HERC1: variants seen among roughly 807,000 people sequenced by gnomAD.
HERC1 encodes the protein HECT and RLD domain containing E3 ubiquitin protein ligase family member 1.
A neutral mutation model predicts 554.3 loss-of-function variants in HERC1; 160 were observed. The observed-to-expected ratio is 0.29, with a 90% CI of 0.25 to 0.33. HERC1 has a LOEUF of 0.33. Among genes scored for constraint, HERC1 ranks in the 10% least tolerant of loss-of-function variants. HERC1 has a pLI of 1.00. For synonymous variants in HERC1, 2,175 were observed against 2,131.7 expected (o/e 1.02, Z -0.56); for missense variants, 4,919 against 5,918.5 (o/e 0.83, Z 5.54).
chr15:63,718,577 T>C lies in HERC1; in HGVS notation c.3975A>G (p.Arg1325=). ...ATTAATTGATTTCAAACTTTACCCA[T>C]CTGTCCCGTGATGATGACCTTGTTT... The part of the protein sequence containing the change: ...LIQTRSSSRD[R]WISENQDSAD... Residue 1325 remains arginine, a synonymous_variant, in exon 21 of 78, where the codon AGA becomes AGG. Coordinates refer to ENST00000443617, the MANE Select transcript of HERC1 (RefSeq NM_003922.4). The surrounding 1 kb of genome is among the most constrained non-coding windows in gnomAD (Gnocchi z 4.2). 1 of 1,569,026 alleles carries C rather than the reference T, an allele frequency of 6.4e-7. No individual in the cohort carries two copies. The highest frequency in any genetic ancestry group is 8.7e-7 in the Non-Finnish European group (1 of 1,154,226).
chr15:63,728,155 T>A (rs2074113695), intron 16 of HERC1, among the ~76,000 whole-genome samples: 1 of 152,214 alleles, frequency 6.6e-6, no homozygotes. Flanking sequence ...AAGAAATATT[T>A]ATTTACTCAA....
chr15:63,674,320 A>G (rs756351606), intron 38 of HERC1, 22 bp downstream of exon 38: 1 of 1,551,442 alleles, frequency 6.4e-7, no homozygotes, highest in Non-Finnish European at 8.7e-7. Flanking sequence ...AAAGCAAAAA[A>G]AAAAAAAATC....
chr15:63,635,891 A>AT (rs1225199256), intron 65 of HERC1, 70 bp downstream of exon 65: 6 of 1,484,374 alleles, frequency 4.0e-6, no homozygotes, highest in Non-Finnish European at 5.5e-6. Flanking sequence ...CTGTTACCTA[A>AT]TTTTAAGAAA....
At chr15:63,831,496 T>C (rs2078153391) in intron 1 of HERC1, among the ~76,000 whole-genome samples, 1 of 152,232 alleles carries the variant, frequency 6.6e-6, no homozygotes, top group Admixed American at 6.5e-5. Flanking sequence ...AACTATAACA[T>C]TCAAGTTTTG....
Position 63,692,526 on chromosome 15 carries a change from C to T in HERC1, c.5715G>A (p.Gly1905=). The change falls in exon 31 of 78, where the codon GGG becomes GGA. Residue 1905 remains glycine (G), a synonymous_variant. Coordinates refer to ENST00000443617, the MANE Select transcript of HERC1 (RefSeq NM_003922.4). This position sits in a 1 kb window ranked among gnomAD's most constrained non-coding sequence, Gnocchi z 4.7. ...CTCTGCGAAGAAAAACTAAAAAATC[C>T]CCTAGATGGAGTTCGGCTGCATGTT... The part of the protein sequence containing the change: ...RKQHAAELHL[G]DFLVFLRRVV... 2 of 1,611,790 alleles carry T rather than the reference C, an allele frequency of 1.2e-6. No homozygotes were observed. The highest frequency in any genetic ancestry group is 4.5e-5 in the East Asian group (2 of 44,768).
chr15:63,717,443 A>G (rs1395441292), intron 21 of HERC1, among the ~76,000 whole-genome samples: 1 of 152,232 alleles, frequency 6.6e-6, no homozygotes, highest in East Asian at 1.9e-4. Context: ...CACTACAAAG[A>G]TAATGTTTTA....
chr15:63,640,192 T>C lies in HERC1; in HGVS notation c.11861A>G (p.Asp3954Gly). 6.2e-7 allele frequency: 1 copy of C among 1,613,918 alleles called. No homozygotes were observed. Among genetic ancestry groups the C allele is most frequent in the Non-Finnish European group, 8.5e-7 (1 of 1,179,832 alleles). ...TTCATCCTCTGGAACAGGTTCTAGA[T>C]CTGGAACGGTAAAAGATTCTGGAAA... ...AQFPESFTVP[D>G]LEPVPEDELV... Residue 3954 changes from aspartate (D) to glycine (G), a missense_variant, in exon 61 of 78, where the codon GAT becomes GGT. Transcript: ENST00000443617.
intron 39 of HERC1, among the ~76,000 whole-genome samples, chr15:63,671,230 G>C (rs868544932): frequency 2.0e-5 from 3 of 150,462 alleles, no homozygotes; most frequent in Non-Finnish European, 3.0e-5. Context: ...AAATTAGCTG[G>C]GTGTGGTGGT....
intron 1 of HERC1, among the ~76,000 whole-genome samples, chr15:63,786,273 T>C (rs897933890): frequency 3.9e-5 from 5 of 127,334 alleles, no homozygotes; most frequent in Non-Finnish European, 6.8e-5. Context: ...ATCATGTTTC[T>C]ATTAAAAAAA....
chr15:63,716,049 G>A lies in HERC1; in HGVS notation c.4150+253C>T, dbSNP rs757201379. Among the ~76,000 whole-genome samples the A allele has an allele frequency of 3.9e-5, 6 of 152,202 alleles. No homozygotes were observed. The South Asian group carries it at 1.2e-3, about 32-fold the overall frequency. ...ACTCATGAGTTTCATTTCATGATGA[G>A]GCTCAGTGAAGCAGGTACTGACATT... On this transcript the variant is annotated intron_variant, in intron 22 of 77. Transcript: ENST00000443617.
intron 1 of HERC1, among the ~76,000 whole-genome samples, chr15:63,819,344 G>C (rs367757143): frequency 3.9e-5 from 6 of 152,284 alleles, no homozygotes; most frequent in African/African-American, 1.4e-4. Context: ...CTGTCTCACA[G>C]AGGTGTTATT....
chr15:63,693,753 A>C (rs947133985), intron 30 of HERC1, among the ~76,000 whole-genome samples: 9 of 152,206 alleles, frequency 5.9e-5, no homozygotes, highest in Admixed American at 1.3e-4. Context: ...GTATGGTCAC[A>C]ACATGAGGGT....
chr15:63,633,825 C>T (rs1366959985), intron 67 of HERC1, 23 bp downstream of exon 67: 1 of 1,608,368 alleles, frequency 6.2e-7, no homozygotes, highest in South Asian at 1.1e-5. Context: ...TGTCTGAAAA[C>T]CTAGACTCAA....
At chr15:63,795,957 G>A (rs2076801245) in intron 1 of HERC1, among the ~76,000 whole-genome samples, 1 of 152,200 alleles carries the variant, frequency 6.6e-6, no homozygotes, top group African/African-American at 2.4e-5. Context: ...AACAGGCTAC[G>A]ACCTAATGCT....
chr15:63,672,715 TAAGA>T (rs756836272), intron 38 of HERC1, 21 bp from the exon 39 acceptor site: 2 of 1,535,306 alleles, frequency 1.3e-6, no homozygotes, highest in Non-Finnish European at 8.8e-7. Context: ...AAAAAAAGGT[TAAGA>T]AAGTAGTAAG....
Position 63,689,585 on chromosome 15 carries a change from T to A in HERC1, c.6048+4A>T. 6.7e-7 allele frequency: 1 copy of A among 1,494,874 alleles called. No individual in the cohort carries two copies. Among genetic ancestry groups the A allele is most frequent in the Non-Finnish European group, 9.1e-7 (1 of 1,101,538 alleles). 92.6% of individuals were successfully genotyped at this position (1,494,874 alleles called of 1,614,324 possible). A position where few individuals can be genotyped will look rare whatever the true frequency, so the allele number is the denominator to read the frequency against. On this transcript the variant is annotated splice_donor_region_variant and intron_variant, in intron 33 of 77. Transcript: ENST00000443617. ...AGAAATACCTTTTAGGAAAAACCAA[T>A]TACCTGTAGTTTTATTTCTTGTTCT...
At chr15:63,746,779 T>C (rs2075070381) in intron 12 of HERC1, 139 bp downstream of exon 12, 1 of 742,280 alleles carries the variant, frequency 1.3e-6, no homozygotes, top group Non-Finnish European at 2.1e-6. Flanking sequence ...TAACCAAAAA[T>C]ACTCTCACCA....
At chr15:63,720,103 C>CTTTTTTTTTTTTATTTTTTTTT (rs2073749075) in intron 19 of HERC1, among the ~76,000 whole-genome samples, 1 of 71,608 alleles carries the variant, frequency 1.4e-5, no homozygotes, top group African/African-American at 6.0e-5. Context: ...TTTTTCTTCC[C>CTTTTTTTTTTTTATTTTTTTTT]TTTTTTTTTT....
chr15:63,685,561 T>C (rs916583111), intron 34 of HERC1, among the ~76,000 whole-genome samples: 4 of 152,250 alleles, frequency 2.6e-5, no homozygotes, highest in Non-Finnish European at 5.9e-5. Flanking sequence ...TGAAGTCACA[T>C]GGCTTTTTAA....
Sources: gnomAD v4.1 joint callset for allele counts (sites outside exome capture counted in the v4.1 genomes callset) on GRCh38, gnomAD v4.1.1 for gene constraint, Gnocchi (gnomAD v3.1) non-coding constraint, MANE v1.5 for transcripts, NCBI Gene and HGNC (gene_info 2026-07-23, HGNC 2026-07-21) for gene names.